ABHD18: variants seen among roughly 807,000 people sequenced by gnomAD.
ABHD18 encodes abhydrolase domain containing 18, also known as cardiolipin-specific deacylase, mitochondrial.
A neutral mutation model predicts 65.9 loss-of-function variants in ABHD18; 55 were observed. That is an observed-to-expected ratio of 0.84 (90% CI 0.67 to 1.05). The LOEUF (loss-of-function observed/expected upper bound fraction) is 1.05. Among genes scored for constraint, ABHD18 ranks in the 50% least tolerant of loss-of-function variants. The pLI is 0.00. For synonymous variants in ABHD18, 181 were observed against 180.2 expected, an observed-to-expected ratio of 1.00 and a Z score of -0.04; for missense variants, 533 against 558.5, an observed-to-expected ratio of 0.95 and a Z score of 0.46.
At chr4:128,001,365 G>A (rs965982045) in intron 4 of ABHD18, among the ~76,000 whole-genome samples, 12 of 152,130 alleles carry the variant, frequency 7.9e-5, no homozygotes, top group South Asian at 2.1e-4. Flanking sequence ...GAATTTTATC[G>A]AAAGCCTTTT....
At chr4:127,996,144 AG>A (rs1751694826) in intron 4 of ABHD18, among the ~76,000 whole-genome samples, 1 of 152,258 alleles carries the variant, frequency 6.6e-6, no homozygotes, top group Non-Finnish European at 1.5e-5. Context: ...CTGGAAAACC[AG>A]TATTTAGCTA....
intron 7 of ABHD18, among the ~76,000 whole-genome samples, chr4:128,013,418 G>A (rs1197288425): frequency 1.3e-5 from 2 of 151,990 alleles, no homozygotes; most frequent in Admixed American, 6.6e-5. Context: ...CAAAAGTTCT[G>A]GGCCGGGCGC....
In ABHD18 at chr4:128,030,653, T is replaced by C; in HGVS notation, c.1324T>C (p.Phe442Leu). The C allele has an allele frequency of 6.3e-7, 1 of 1,595,082 alleles. No individual in the cohort carries two copies. The highest frequency in any genetic ancestry group is 8.5e-7 in the Non-Finnish European group (1 of 1,176,176). ...AGGGGGTCATATTAGTGCTTATCTTTTTAAACAAGGACTCTTCAGGTAAGA... is the reference window on the plus strand; with the variant it reads ...AGGGGGTCATATTAGTGCTTATCTTCTTAAACAAGGACTCTTCAGGTAAGA... The part of the protein sequence containing the change: ...LEGGHISAYL[F>L]KQGLFRQAIY... The change falls in exon 12 of 13, where the codon TTT becomes CTT. Residue 442 changes from phenylalanine to leucine, a missense_variant. Phe to Leu is a conservative substitution (Grantham distance 22). Around this residue, in one of 3 missense-constraint regions of ABHD18, gnomAD observed 220 missense variants for 226.8 expected, o/e 0.97. Coordinates refer to ENST00000645843, the MANE Select transcript of ABHD18 (RefSeq NM_001358451.3).
chr4:127,986,837 C>T (rs895795774), intron 3 of ABHD18, among the ~76,000 whole-genome samples: 9 of 152,118 alleles, frequency 5.9e-5, no homozygotes, highest in Non-Finnish European at 8.8e-5. Flanking sequence ...ATTTATATAC[C>T]TTCTTTGGAG....
chr4:128,034,765 C>T (rs1010025736), intron 12 of ABHD18, among the ~76,000 whole-genome samples: 2 of 152,016 alleles, frequency 1.3e-5, no homozygotes, highest in East Asian at 3.9e-4. Flanking sequence ...ATTCTCCTGC[C>T]TCAGCCTCCC....
intron 4 of ABHD18, among the ~76,000 whole-genome samples, chr4:128,000,830 C>T (rs1331703771): frequency 1.3e-5 from 2 of 152,062 alleles, no homozygotes; most frequent in African/African-American, 4.8e-5. Flanking sequence ...TTGTAATTCT[C>T]ATTGTAGAAA....
At chr4:128,002,549 G>A (rs1752846138) in intron 4 of ABHD18, among the ~76,000 whole-genome samples, 1 of 151,202 alleles carries the variant, frequency 6.6e-6, no homozygotes, top group Admixed American at 6.6e-5. Context: ...CAAAGTGCTG[G>A]GATTACAGGT....
intron 4 of ABHD18, among the ~76,000 whole-genome samples, chr4:127,991,360 G>A (rs1460017414): frequency 2.6e-5 from 4 of 152,010 alleles, no homozygotes; most frequent in African/African-American, 4.8e-5. Flanking sequence ...CGGAGTAGTT[G>A]GGATTATAGG....
chr4:128,017,194 A>G (rs995527476), intron 7 of ABHD18, among the ~76,000 whole-genome samples, 169 bp from the exon 8 acceptor site: 1 of 152,230 alleles, frequency 6.6e-6, no homozygotes, highest in African/African-American at 2.4e-5. Context: ...CTGGGATTAC[A>G]GGCGTAAGCC....
chr4:127,986,577 G>A (rs1177797787), intron 3 of ABHD18, among the ~76,000 whole-genome samples: 1 of 152,190 alleles, frequency 6.6e-6, no homozygotes, highest in Non-Finnish European at 1.5e-5. Flanking sequence ...TGTGTATACT[G>A]AAGAGTTTAA....
At chr4:128,016,539 C>T in intron 7 of ABHD18, among the ~76,000 whole-genome samples, 1 of 152,034 alleles carries the variant, frequency 6.6e-6, no homozygotes, top group Non-Finnish European at 1.5e-5. Context: ...CTTTGGGAGG[C>T]TAAGGCAGGC....
At chr4:128,010,904 CAAAAA>C (rs35809796) in intron 6 of ABHD18, among the ~76,000 whole-genome samples, 1 of 65,318 alleles carries the variant, frequency 1.5e-5, no homozygotes, top group Non-Finnish European at 3.8e-5. Flanking sequence ...GACTGCGCCT[CAAAAA>C]AAAAAAAAAA....
chr4:127,970,920 C>G (rs1469057194), intron 1 of ABHD18, among the ~76,000 whole-genome samples: 1 of 151,672 alleles, frequency 6.6e-6, no homozygotes. Flanking sequence ...ACTAAAAATA[C>G]AAAAATTAGT....
intron 4 of ABHD18, among the ~76,000 whole-genome samples, chr4:127,992,368 A>G (rs2149092057): frequency 6.6e-6 from 1 of 152,144 alleles, no homozygotes; most frequent in South Asian, 2.1e-4. Flanking sequence ...CCAGCTACTC[A>G]GGAGGCTGAG....
chr4:127,986,467 T>C (rs184330769), intron 3 of ABHD18, among the ~76,000 whole-genome samples: 1 of 152,352 alleles, frequency 6.6e-6, no homozygotes, highest in East Asian at 1.9e-4. Flanking sequence ...ATTCATAAAT[T>C]GATGGACATT....
In ABHD18 at chr4:128,034,150, G is replaced by A. The variant is rs142778988; in HGVS notation, c.1344-1612G>A. Among the ~76,000 whole-genome samples, 784 of 151,420 alleles carry A rather than the reference G, an allele frequency of 5.2e-3. 8 individuals carry two copies. Among genetic ancestry groups the A allele is most frequent in the African/African-American group, 0.018 (756 of 41,246 alleles). ...ATGTTTGTATTCTTAGTAGAGATGG[G>A]GTTTCACCATGTTGGCCAGGCTGGT... On this transcript the variant is annotated intron_variant, in intron 12 of 12. Coordinates refer to ENST00000645843, the MANE Select transcript of ABHD18 (RefSeq NM_001358451.3).
At chr4:128,021,047 A>AAAG in intron 9 of ABHD18, 90 bp from the exon 10 acceptor site, 2 of 768,610 alleles carry the variant, frequency 2.6e-6, no homozygotes, top group Admixed American at 6.0e-5. Context: ...AAAAAAAAAA[A>AAAG]AAAGGTAGTC....
In ABHD18 at chr4:128,035,993, A is replaced by G; in HGVS notation, c.*180A>G. 2.4e-6 allele frequency: 1 copy of G among 416,946 alleles called. No individual in the cohort carries two copies. Among genetic ancestry groups the G allele is most frequent in the Non-Finnish European group, 4.3e-6 (1 of 234,988 alleles). The allele number at this position is 416,946 out of a possible 1,614,324, so 25.8% of individuals were successfully genotyped here. On this transcript the variant is annotated 3_prime_UTR_variant, in exon 13 of 13. Transcript: ENST00000645843. Reference sequence around the variant, plus strand: ...CTTCGAATACATTTGAATAATTTCAAGATAATATTTGAAGTAAATAATGTT... The same window carrying G: ...CTTCGAATACATTTGAATAATTTCAGGATAATATTTGAAGTAAATAATGTT...
intron 3 of ABHD18, among the ~76,000 whole-genome samples, chr4:127,988,672 A>G (rs1750403597): frequency 6.6e-6 from 1 of 152,232 alleles, no homozygotes; most frequent in South Asian, 2.1e-4. Context: ...ATATGAAAAA[A>G]ATGCTCAGCA....
Sources: allele counts gnomAD v4.1 joint callset (sites outside exome capture counted in the v4.1 genomes callset), GRCh38; gene constraint gnomAD v4.1.1; regional missense constraint gnomAD v4.1.1; transcripts MANE v1.5; gene names NCBI Gene and HGNC (gene_info 2026-07-23, HGNC 2026-07-21).